Variants in EEF1AKMT1 observed in about 807,000 individuals in gnomAD.
The protein encoded by EEF1AKMT1 is EEF1A lysine methyltransferase 1.
In EEF1AKMT1, 18 loss-of-function variants were observed where a neutral mutation model predicts 21.0. That is an observed-to-expected ratio of 0.86 (90% confidence interval 0.59 to 1.27). The LOEUF (loss-of-function observed/expected upper bound fraction) is 1.27, where lower values mean the gene tolerates loss of function less well. EEF1AKMT1 is among the 50% of genes most tolerant of loss of function. The probability of loss-of-function intolerance (pLI) is 0.00; values close to 1 mark genes in which losing one functional copy is unlikely to be tolerated. For synonymous variants in EEF1AKMT1, 109 were observed against 94.8 expected, an observed-to-expected ratio of 1.15 and a Z score of -0.87; for missense variants, 246 against 258.6, an observed-to-expected ratio of 0.95 and a Z score of 0.33.
chr13:20,757,637 T>A lies in EEF1AKMT1; in HGVS notation c.-19-20A>T, dbSNP rs750264269. 4 of 1,584,566 alleles carry A rather than the reference T, an allele frequency of 2.5e-6. No homozygotes were observed. The East Asian group carries it at 9.0e-5, about 36-fold the overall frequency. On this transcript the variant is annotated intron_variant, in intron 1 of 4. Transcript: ENST00000382758. ...TATAACCTGCAGATCAAGAAATAAA[T>A]GTTCTGTGCAGATTTTGTTTCCCCT...
In EEF1AKMT1 at chr13:20,729,005, C is replaced by A; in HGVS notation, c.*75G>T. ...TTGGGGGGAGGGGAAGAGATTATAA[C>A]TTTTAAATCTACTACGAAAATACAA... On this transcript the variant is annotated 3_prime_UTR_variant, in exon 5 of 5. Coordinates refer to ENST00000382758, the MANE Select transcript of EEF1AKMT1 (RefSeq NM_001318939.2). The A allele has an allele frequency of 6.3e-7, 1 of 1,585,864 alleles. No homozygotes were observed. Among genetic ancestry groups the A allele is most frequent in the South Asian group, 1.1e-5 (1 of 89,342 alleles).
At position 20,732,141 on chromosome 13, in the gene EEF1AKMT1, C is replaced by A; in HGVS notation, c.228-20G>T. ...GCGATTCTAGGAGACAAAATGAACACACCATGAAACATCCTTAACAGAGAG... is the reference window on the plus strand; with the variant it reads ...GCGATTCTAGGAGACAAAATGAACAAACCATGAAACATCCTTAACAGAGAG... On this transcript the variant is annotated intron_variant, in intron 3 of 4. Coordinates refer to ENST00000382758, the MANE Select transcript of EEF1AKMT1 (RefSeq NM_001318939.2). 6.3e-7 allele frequency: 1 copy of A among 1,589,738 alleles called. No individual in the cohort carries two copies. Among genetic ancestry groups the A allele is most frequent in the Non-Finnish European group, 8.6e-7 (1 of 1,168,548 alleles).
At chr13:20,739,990 C>T (rs770788084) in intron 2 of EEF1AKMT1, among the ~76,000 whole-genome samples, 7 of 152,216 alleles carry the variant, frequency 4.6e-5, no homozygotes, top group African/African-American at 1.4e-4. Flanking sequence ...GGGCGGCACC[C>T]GTCAGGGAGG....
Position 20,731,911 on chromosome 13 carries a change from C to T in EEF1AKMT1, c.438G>A (p.Ser146=), listed in dbSNP as rs202042737. The change falls in exon 4 of 5, where the codon TCG becomes TCA. Residue 146 remains serine (S), a synonymous_variant. Transcript: ENST00000382758. ...CCGATGTTTTTCTGAGACATTCCTC[C>T]GAAAGATAGGGAGGATCTGCTATTA... The part of the protein sequence containing the change: ...DIVIADPPYL[S]EECLRKTSET... 29 of 1,614,036 alleles carry T rather than the reference C, an allele frequency of 1.8e-5. No individual in the cohort carries two copies. Among genetic ancestry groups the T allele is most frequent in the East Asian group, 4.5e-5 (2 of 44,898 alleles).
At chr13:20,729,240 T>C (rs1444565163) in intron 4 of EEF1AKMT1, 24 bp from the exon 5 acceptor site, 1 of 1,613,736 alleles carries the variant, frequency 6.2e-7, no homozygotes, top group Non-Finnish European at 8.5e-7. Flanking sequence ...AGCAAATGAA[T>C]CCAGAGAGTG....
At position 20,729,250 on chromosome 13, in the gene EEF1AKMT1, G is replaced by T. The variant is rs78492897; in HGVS notation, c.509-34C>A. 1.7e-3 allele frequency: 2,804 copies of T among 1,613,232 alleles called. 29 individuals are homozygous for T. The African/African-American group carries it at 0.034, about 19-fold the overall frequency. ...AACAAAGCAAATGAATCCAGAGAGT[G>T]ACAACCCAGCCGGAGCTCAGTGCGT... On this transcript the variant is annotated intron_variant, in intron 4 of 4. Transcript: ENST00000382758.
chr13:20,729,937 C>G (rs1258178584), intron 4 of EEF1AKMT1, among the ~76,000 whole-genome samples: 1 of 152,212 alleles, frequency 6.6e-6, no homozygotes, highest in East Asian at 1.9e-4. Flanking sequence ...CGTCTTCAGA[C>G]AAGTTGCGTC....
intron 1 of EEF1AKMT1, among the ~76,000 whole-genome samples, chr13:20,758,143 A>G (rs71426030): frequency 0.042 from 6,385 of 152,222 alleles, 317 homozygotes; most frequent in African/African-American, 0.12. Context: ...GAAATTAATT[A>G]AGAGTCTGGC....
At chr13:20,748,430 G>A (rs1467276372) in intron 2 of EEF1AKMT1, among the ~76,000 whole-genome samples, 3 of 142,170 alleles carry the variant, frequency 2.1e-5, no homozygotes, top group Admixed American at 1.4e-4. Flanking sequence ...GCTAGACTCC[G>A]TCCAAAAAAA....
In EEF1AKMT1 at chr13:20,737,802, G is replaced by C. The variant is rs142274093; in HGVS notation, c.148C>G (p.Leu50Val). The C allele has an allele frequency of 1.1e-5, 17 of 1,611,138 alleles. No homozygotes were observed. Among genetic ancestry groups the C allele is most frequent in the African/African-American group, 1.3e-5 (1 of 74,880 alleles). The change falls in exon 3 of 5, where the codon CTG becomes GTG. Residue 50 changes from leucine to valine, a missense_variant. Coordinates refer to ENST00000382758, the MANE Select transcript of EEF1AKMT1 (RefSeq NM_001318939.2). ...NIGIIEENWQLSQFWYSQETA... is the reference protein window; with the variant it reads ...NIGIIEENWQVSQFWYSQETA... Reference sequence around the variant, plus strand: ...TCCTGACTATACCAAAACTGGCTCAGTTGCTGTAACCGAGAAATAGGTTGA... The same window carrying C: ...TCCTGACTATACCAAAACTGGCTCACTTGCTGTAACCGAGAAATAGGTTGA...
Position 20,763,424 on chromosome 13 carries a change from T to C in EEF1AKMT1, c.-19-5807A>G, listed in dbSNP as rs75914880. ...CCACCCAGTCTACGGTATTTTGTTATAGCATCCCTAGCATTTAAGGCCCGA... is the reference window on the plus strand; with the variant it reads ...CCACCCAGTCTACGGTATTTTGTTACAGCATCCCTAGCATTTAAGGCCCGA... On this transcript the variant is annotated intron_variant, in intron 1 of 4. Coordinates refer to ENST00000382758, the MANE Select transcript of EEF1AKMT1 (RefSeq NM_001318939.2). Among the ~76,000 whole-genome samples, 22 of 152,160 alleles carry C rather than the reference T, an allele frequency of 1.4e-4. 1 individual carries two copies. In the East Asian group the frequency reaches 4.1e-3, roughly 28 times the overall value.
Position 20,732,113 on chromosome 13 carries a change from C to T in EEF1AKMT1, c.236G>A (p.Cys79Tyr), listed in dbSNP as rs752341155. The change falls in exon 4 of 5, where the codon TGT becomes TAT. Residue 79 changes from cysteine (C) to tyrosine (Y), a missense_variant. Coordinates refer to ENST00000382758, the MANE Select transcript of EEF1AKMT1 (RefSeq NM_001318939.2). ...CTGGTAAACACTAGGGGCACTCACA[C>T]ATGCGATTCTAGGAGACAAAATGAA... Reference protein sequence around the residue: ...AAVGEGGRIACVSAPSVYQKL... With the variant: ...AAVGEGGRIAYVSAPSVYQKL... 1 of 1,609,224 alleles carries T rather than the reference C, an allele frequency of 6.2e-7. No individual in the cohort carries two copies. Among genetic ancestry groups the T allele is most frequent in the Non-Finnish European group, 8.5e-7 (1 of 1,177,796 alleles).
intron 1 of EEF1AKMT1, among the ~76,000 whole-genome samples, chr13:20,763,881 T>C (rs1472789633): frequency 1.3e-5 from 2 of 152,232 alleles, no homozygotes; most frequent in Admixed American, 1.3e-4. Context: ...GTCTGCTTCA[T>C]CTAAGTTGTT....
chr13:20,731,866 C>G lies in EEF1AKMT1; in HGVS notation c.483G>C (p.Thr161=), dbSNP rs375923475. Reference sequence around the variant, plus strand: ...CTGTGCACAGCAGAATCTTGCCCCGCGTCAGGTACTTGACGGTTTCCGATG... The same window carrying G: ...CTGTGCACAGCAGAATCTTGCCCCGGGTCAGGTACTTGACGGTTTCCGATG... ...RKTSETVKYL[T]RGKILLCTGA... Residue 161 remains threonine (T), a synonymous_variant, in exon 4 of 5, where the codon ACG becomes ACC. Transcript: ENST00000382758. 3 of 1,613,932 alleles carry G rather than the reference C, an allele frequency of 1.9e-6. No individual in the cohort carries two copies. The highest frequency in any genetic ancestry group is 2.5e-6 in the Non-Finnish European group (3 of 1,179,842).
intron 3 of EEF1AKMT1, among the ~76,000 whole-genome samples, chr13:20,734,560 T>G (rs938907815): frequency 3.4e-5 from 5 of 147,498 alleles, no homozygotes; most frequent in African/African-American, 1.3e-4. Context: ...AATGCGGTTC[T>G]CATTCATCTT....
intron 1 of EEF1AKMT1, among the ~76,000 whole-genome samples, chr13:20,770,883 T>A (rs565683024): frequency 1.4e-3 from 199 of 143,202 alleles, no homozygotes; most frequent in Admixed American, 2.5e-3. Flanking sequence ...GACATATAAA[T>A]TTTTTTTTTT....
chr13:20,739,060 G>C lies in EEF1AKMT1; in HGVS notation c.145-1255C>G, dbSNP rs948865760. 1.3e-5 allele frequency among the ~76,000 whole-genome samples: 2 copies of C among 152,048 alleles called. 1 individual carries two copies. Among genetic ancestry groups the C allele is most frequent in the South Asian group, 4.2e-4 (2 of 4,814 alleles). ...ACGTATTCAAAGTTTCTTCCTCCTG[G>C]GGGGGTCGTGGTCTCGCTGGCTTCA... On this transcript the variant is annotated intron_variant, in intron 2 of 4. Transcript: ENST00000382758.
chr13:20,750,122 T>A (rs548356462), intron 2 of EEF1AKMT1, among the ~76,000 whole-genome samples: 1 of 152,224 alleles, frequency 6.6e-6, no homozygotes, highest in Non-Finnish European at 1.5e-5. Context: ...GATATTTTGT[T>A]ACATGCACAG....
intron 2 of EEF1AKMT1, among the ~76,000 whole-genome samples, chr13:20,738,859 T>A (rs111227122): frequency 4.0e-4 from 61 of 152,268 alleles, no homozygotes; most frequent in African/African-American, 1.3e-3. Context: ...GAAAAACATA[T>A]GGTTTCTTTT....
Sources: allele counts gnomAD v4.1 joint callset (sites outside exome capture counted in the v4.1 genomes callset), GRCh38; gene constraint gnomAD v4.1.1; transcripts MANE v1.5; gene names NCBI Gene and HGNC (gene_info 2026-07-23, HGNC 2026-07-21).